The following TBC1D13 variants were observed in gnomAD, a reference collection of about 807,000 sequenced individuals.
TBC1D13 encodes TBC1 domain family member 13, also known as epididymis secretory sperm binding protein.
In TBC1D13, 40 loss-of-function variants were observed where a neutral mutation model predicts 53.6. The observed-to-expected ratio is 0.75, with a 90% CI of 0.58 to 0.97. TBC1D13 has a LOEUF of 0.97. Among genes scored for constraint, TBC1D13 ranks in the 50% least tolerant of loss-of-function variants. The pLI, the probability that TBC1D13 is intolerant of heterozygous loss-of-function variation, is 0.00. For missense variants in TBC1D13, 377 were observed against 499.4 expected, an observed-to-expected ratio of 0.75 and a Z score of 2.34; for synonymous variants, 182 against 197.7, an observed-to-expected ratio of 0.92 and a Z score of 0.67.
chr9:128,802,884 G>C (rs1044185428), intron 7 of TBC1D13, among the ~76,000 whole-genome samples: 3 of 151,910 alleles, frequency 2.0e-5, no homozygotes, highest in African/African-American at 4.8e-5. Flanking sequence ...ACAGGTGCGT[G>C]CCTTCACACT....
intron 3 of TBC1D13, among the ~76,000 whole-genome samples, chr9:128,791,019 G>A (rs1829523267): frequency 6.6e-6 from 1 of 152,228 alleles, no homozygotes; most frequent in African/African-American, 2.4e-5. Context: ...GAAGTACAGT[G>A]AAAGTCATGC....
chr9:128,796,535 G>A (rs999910126), intron 6 of TBC1D13, among the ~76,000 whole-genome samples: 3 of 152,166 alleles, frequency 2.0e-5, no homozygotes, highest in Admixed American at 1.3e-4. Context: ...ATAGGCGTGA[G>A]CCACCGTGCC....
intron 6 of TBC1D13, among the ~76,000 whole-genome samples, chr9:128,794,902 T>G (rs1300464507): frequency 6.6e-6 from 1 of 151,704 alleles, no homozygotes; most frequent in Non-Finnish European, 1.5e-5. Flanking sequence ...TTGATCACAT[T>G]CTAGACACCA....
intron 6 of TBC1D13, among the ~76,000 whole-genome samples, chr9:128,795,285 C>T (rs963944977): frequency 6.7e-6 from 1 of 148,660 alleles, no homozygotes; most frequent in Non-Finnish European, 1.5e-5. Flanking sequence ...CTGGCGCAAT[C>T]TTGGCTCACT....
intron 7 of TBC1D13, among the ~76,000 whole-genome samples, chr9:128,799,092 G>A (rs547338612): frequency 1.3e-5 from 2 of 152,282 alleles, no homozygotes; most frequent in African/African-American, 4.8e-5. Flanking sequence ...ACGAGAGTTG[G>A]GTGCCCAGCA....
At chr9:128,804,151 G>A (rs1455017888) in intron 9 of TBC1D13, 32 bp downstream of exon 9, 3 of 1,608,052 alleles carry the variant, frequency 1.9e-6, no homozygotes, top group African/African-American at 2.7e-5. Context: ...GGGTGGAAAG[G>A]GACAGGAGGC....
Position 128,787,307 on chromosome 9 carries a change from AGAGGCGCAGGCGGCG to A in TBC1D13, c.-40_-26del, listed in dbSNP as rs746623359. The A allele has an allele frequency of 5.1e-5, 64 of 1,255,540 alleles. No homozygotes were observed. The highest frequency in any genetic ancestry group is 2.1e-4 in the Middle Eastern group (1 of 4,860). 77.8% of individuals were successfully genotyped at this position (1,255,540 alleles called of 1,614,324 possible). A position where few individuals can be genotyped will look rare whatever the true frequency, so the allele number is the denominator to read the frequency against. Reference sequence around the variant, plus strand: ...CGGCGGCGGCGGCAGCGCAGGCGGCAGAGGCGCAGGCGGCGGAGGCGGCTGGGGGGTCCGGAAGTC... The same window carrying A: ...CGGCGGCGGCGGCAGCGCAGGCGGCAGAGGCGGCTGGGGGGTCCGGAAGTC... On this transcript the variant is annotated 5_prime_UTR_variant, in exon 1 of 12. Transcript: ENST00000372648.
chr9:128,791,318 G>A (rs992298577), intron 3 of TBC1D13, 62 bp from the exon 4 acceptor site: 21 of 1,486,690 alleles, frequency 1.4e-5, no homozygotes, highest in Middle Eastern at 1.7e-4. Context: ...TGTCATCCCC[G>A]CCTAAAGACT....
rs144524459 is a variant in TBC1D13, at chr9:128,801,406, G to A, written c.544-1844G>A. On this transcript the variant is annotated intron_variant, in intron 7 of 11. Coordinates refer to ENST00000372648, the MANE Select transcript of TBC1D13 (RefSeq NM_018201.5). The stretch of plus-strand genomic sequence containing the variant: ...TTGAAAAGGCTTGGCCAGCCTGGAC[G>A]CGGTGGCTCATGCCTGTAATCCCAG... 8.0e-4 allele frequency among the ~76,000 whole-genome samples: 121 copies of A among 152,006 alleles called. No individual in the cohort carries two copies. The East Asian group carries it at 0.022, about 27-fold the overall frequency.
rs532908935 is a variant in TBC1D13 at position 128,809,115 on chromosome 9, A to G, written c.*1236A>G. 2.0e-5 allele frequency: 3 copies of G among 152,396 alleles called. No individual in the cohort carries two copies. The South Asian group carries it at 6.2e-4, about 32-fold the overall frequency. The allele number at this position is 152,396 out of a possible 1,614,324, so 9.4% of individuals were successfully genotyped here. On this transcript the variant is annotated 3_prime_UTR_variant, in exon 12 of 12. Transcript: ENST00000372648. ...AGGAAGCCTCTCTGGGGCCAGGGGT[A>G]GCTGAGCTTAAAGGCCCTGGGTCCT...
chr9:128,806,976 G>C (rs1467402045), intron 11 of TBC1D13, among the ~76,000 whole-genome samples: 1 of 151,916 alleles, frequency 6.6e-6, no homozygotes, highest in African/African-American at 2.4e-5. Context: ...AGGGCCTACA[G>C]CTTTAGGTCC....
chr9:128,801,525 A>G (rs1039277039), intron 7 of TBC1D13, among the ~76,000 whole-genome samples: 3 of 151,966 alleles, frequency 2.0e-5, no homozygotes, highest in East Asian at 4.0e-4. Flanking sequence ...TAAAAATACA[A>G]AAAATTAGCT....
intron 7 of TBC1D13, among the ~76,000 whole-genome samples, chr9:128,797,579 G>A (rs1829659235): frequency 6.6e-6 from 1 of 152,128 alleles, no homozygotes; most frequent in Admixed American, 6.5e-5. Context: ...GAGGCAGGAG[G>A]ATTGCTTGAG....
intron 9 of TBC1D13, among the ~76,000 whole-genome samples, chr9:128,804,808 A>C (rs1471752917): frequency 1.4e-5 from 2 of 142,892 alleles, no homozygotes; most frequent in African/African-American, 5.3e-5. Flanking sequence ...AGCTCACTGC[A>C]ACCTCCGCCT....
At chr9:128,803,155 C>T (rs1268870348) in intron 7 of TBC1D13, 95 bp from the exon 8 acceptor site, 7 of 1,134,014 alleles carry the variant, frequency 6.2e-6, no homozygotes, top group Admixed American at 5.5e-5. Flanking sequence ...TGGGGCTCAG[C>T]TCCCACCTCA....
rs1829748339 is a variant in TBC1D13 at position 128,802,199 on chromosome 9, G to A, written c.544-1051G>A. On this transcript the variant is annotated intron_variant, in intron 7 of 11. Transcript: ENST00000372648. Reference sequence around the variant, plus strand: ...GCCTCCTGAGTAGCTGGGATTACAGGTATACGCCACCACGCCTGGCTAATT... The same window carrying A: ...GCCTCCTGAGTAGCTGGGATTACAGATATACGCCACCACGCCTGGCTAATT... Among the ~76,000 whole-genome samples, 2 of 149,246 alleles carry A rather than the reference G, an allele frequency of 1.3e-5. 1 individual carries two copies. The highest frequency in any genetic ancestry group is 3.0e-5 in the Non-Finnish European group (2 of 67,180).
chr9:128,792,937 C>T (rs1016104219), intron 6 of TBC1D13, among the ~76,000 whole-genome samples: 18 of 152,172 alleles, frequency 1.2e-4, no homozygotes, highest in African/African-American at 4.1e-4. Context: ...GATCTTAGAA[C>T]CTAGAAGGGA....
At position 128,805,979 on chromosome 9, in the gene TBC1D13, C is replaced by T. The variant is rs1262582822; in HGVS notation, c.1039C>T (p.Arg347Cys). Reference protein sequence around the residue: ...IWDSLFADDNRFDFLLLVCCA... With the variant: ...IWDSLFADDNCFDFLLLVCCA... ...GGACTCCCTCTTCGCCGATGACAACCGCTTTGACTTCCTCCTCCTCGTCTG... is the reference window on the plus strand; with the variant it reads ...GGACTCCCTCTTCGCCGATGACAACTGCTTTGACTTCCTCCTCCTCGTCTG... Residue 347 changes from arginine (R) to cysteine (C), a missense_variant, in exon 10 of 12, where the codon CGC (arginine) becomes TGC (cysteine). Arg to Cys is a radical substitution (Grantham distance 180, BLOSUM62 -3). Transcript: ENST00000372648. 5.0e-6 allele frequency: 8 copies of T among 1,614,116 alleles called. No homozygotes were observed. Among genetic ancestry groups the T allele is most frequent in the African/African-American group, 1.3e-5 (1 of 74,950 alleles).
chr9:128,794,765 A>G (rs1404971332), intron 6 of TBC1D13, among the ~76,000 whole-genome samples: 1 of 151,608 alleles, frequency 6.6e-6, no homozygotes, highest in Non-Finnish European at 1.5e-5. Context: ...ATGAGACACC[A>G]TGCCTGGCCA....
Sources: gnomAD v4.1 joint callset for allele counts (sites outside exome capture counted in the v4.1 genomes callset) on GRCh38, gnomAD v4.1.1 for gene constraint, MANE v1.5 for transcripts, NCBI Gene and HGNC (gene_info 2026-07-23, HGNC 2026-07-21) for gene names.